Variants in TAFA1 observed in about 807,000 individuals in gnomAD.
TAFA1 encodes chemokine-like protein TAFA-1.
In TAFA1, 4 loss-of-function variants were observed where a neutral mutation model predicts 18.5. The ratio of observed to expected loss-of-function variants is 0.22; its 90% CI spans 0.11 to 0.49. The LOEUF is 0.49. Ranked by LOEUF, TAFA1 falls within the 20% of genes least tolerant of loss-of-function variation. TAFA1 has a pLI of 0.98. For synonymous variants in TAFA1, 56 were observed against 55.2 expected, an observed-to-expected ratio of 1.01 and a Z score of -0.06; for missense variants, 147 against 169.0, an observed-to-expected ratio of 0.87 and a Z score of 0.72.
intron 2 of TAFA1, among the ~76,000 whole-genome samples, chr3:68,302,050 T>A (rs1172128759): frequency 6.6e-6 from 1 of 152,200 alleles, no homozygotes; most frequent in East Asian, 1.9e-4. Context: ...TAGCTTTTGA[T>A]AAAATGATGA....
rs1208540616 is a variant in TAFA1, at chr3:68,091,909, T to C, written c.118+85165T>C. On this transcript the variant is annotated intron_variant, in intron 2 of 4. Transcript: ENST00000478136. ...TATCTCCTATAACAGTTTGAATGAC[T>C]GCTGGTTTCCTTAACAGTTTTCACC... Among the ~76,000 whole-genome samples, 3 of 152,186 alleles carry C rather than the reference T, an allele frequency of 2.0e-5. No homozygotes were observed. The East Asian group carries it at 5.8e-4, about 29-fold the overall frequency.
intron 3 of TAFA1, among the ~76,000 whole-genome samples, chr3:68,429,609 A>T (rs997756047): frequency 1.3e-5 from 2 of 151,926 alleles, no homozygotes; most frequent in African/African-American, 4.8e-5. Context: ...TTCCTTCAAC[A>T]TACACACCAT....
intron 3 of TAFA1, among the ~76,000 whole-genome samples, chr3:68,504,502 GC>G (rs1330892735): frequency 6.6e-6 from 1 of 152,150 alleles, no homozygotes. Flanking sequence ...TGCCACTGGA[GC>G]TTTAAATTGA....
intron 2 of TAFA1, among the ~76,000 whole-genome samples, chr3:68,344,976 G>A (rs2069141453): frequency 6.6e-6 from 1 of 150,608 alleles, no homozygotes; most frequent in Non-Finnish European, 1.5e-5. Flanking sequence ...GTTTATTTTA[G>A]TTCTTTACAG....
intron 2 of TAFA1, among the ~76,000 whole-genome samples, chr3:68,239,866 G>A (rs1320696833): frequency 7.2e-5 from 11 of 152,162 alleles, no homozygotes; most frequent in Admixed American, 7.2e-4. Context: ...AAGACAGATG[G>A]TTTTGCTGGA....
intron 2 of TAFA1, among the ~76,000 whole-genome samples, chr3:68,362,291 T>A (rs2069482485): frequency 6.6e-6 from 1 of 152,120 alleles, no homozygotes; most frequent in African/African-American, 2.4e-5. Flanking sequence ...CTATACTAAA[T>A]GCTGTGAGAG....
Position 68,296,290 on chromosome 3 carries a change from T to C in TAFA1, c.119-120990T>C, listed in dbSNP as rs763958677. ...AAAACATGTGACTTGTCTGTCCACA[T>C]GGTATCCTGTTGAATTTCAGTTTTA... On this transcript the variant is annotated intron_variant, in intron 2 of 4. Coordinates refer to ENST00000478136, the MANE Select transcript of TAFA1 (RefSeq NM_213609.4). Among the ~76,000 whole-genome samples, 5 of 152,196 alleles carry C rather than the reference T, an allele frequency of 3.3e-5. No individual in the cohort carries two copies. In the South Asian group the frequency reaches 1.0e-3, roughly 32 times the overall value.
intron 3 of TAFA1, among the ~76,000 whole-genome samples, chr3:68,495,888 G>A (rs2072537263): frequency 6.6e-6 from 1 of 151,108 alleles, no homozygotes; most frequent in Non-Finnish European, 1.5e-5. Flanking sequence ...AAAGTGATCT[G>A]TGCAGATAGT....
At chr3:68,271,128 C>G (rs571132086) in intron 2 of TAFA1, among the ~76,000 whole-genome samples, 31 of 152,130 alleles carry the variant, frequency 2.0e-4, no homozygotes, top group African/African-American at 7.0e-4. Flanking sequence ...TCTACCCCAC[C>G]CTGCCCCTTC....
chr3:68,038,930 A>G (rs987453998), intron 2 of TAFA1, among the ~76,000 whole-genome samples: 3 of 152,108 alleles, frequency 2.0e-5, no homozygotes, highest in African/African-American at 7.2e-5. Context: ...TCAGTAGCCT[A>G]TTTTTTCTAC....
intron 3 of TAFA1, among the ~76,000 whole-genome samples, chr3:68,432,988 C>T (rs1464233761): frequency 6.6e-6 from 1 of 151,930 alleles, no homozygotes; most frequent in Non-Finnish European, 1.5e-5. Context: ...CAAATAGCTC[C>T]CAAGTCTATG....
intron 2 of TAFA1, among the ~76,000 whole-genome samples, chr3:68,172,395 G>A (rs1319064517): frequency 6.6e-6 from 1 of 152,138 alleles, no homozygotes; most frequent in Non-Finnish European, 1.5e-5. Flanking sequence ...AGTGACAACT[G>A]TTGATAAGGA....
At chr3:68,382,911 A>C (rs146190227) in intron 2 of TAFA1, among the ~76,000 whole-genome samples, 19 of 152,040 alleles carry the variant, frequency 1.2e-4, no homozygotes, top group African/African-American at 4.3e-4. Flanking sequence ...CTTTCTGTAA[A>C]GATCTGTCAC....
At chr3:68,179,929 G>A (rs952672601) in intron 2 of TAFA1, among the ~76,000 whole-genome samples, 3 of 151,540 alleles carry the variant, frequency 2.0e-5, no homozygotes, top group Non-Finnish European at 4.4e-5. Context: ...TATTAATTAT[G>A]CTTAAACTCT....
chr3:68,461,881 T>C (rs376525015), intron 3 of TAFA1, among the ~76,000 whole-genome samples: 5 of 152,136 alleles, frequency 3.3e-5, no homozygotes, highest in African/African-American at 9.6e-5. Context: ...TTAAATACCT[T>C]TGGAGAAAAG....
intron 2 of TAFA1, among the ~76,000 whole-genome samples, chr3:68,185,906 AAAATAAATAAATAAAT>A (rs10580284): frequency 1.3e-5 from 2 of 149,910 alleles, no homozygotes; most frequent in South Asian, 4.3e-4. Flanking sequence ...TGTCTCAAAT[AAAATAAATAAATAAAT>A]AAATAAATAA....
intron 2 of TAFA1, among the ~76,000 whole-genome samples, chr3:68,226,992 A>G (rs1232621463): frequency 2.0e-5 from 3 of 152,192 alleles, no homozygotes; most frequent in Admixed American, 1.3e-4. Flanking sequence ...TGTGGGGCAC[A>G]TAAGAGAAGC....
At chr3:68,466,100 A>G (rs997923856) in intron 3 of TAFA1, among the ~76,000 whole-genome samples, 6 of 152,136 alleles carry the variant, frequency 3.9e-5, no homozygotes, top group Admixed American at 3.9e-4. Context: ...ACTTCTGGGC[A>G]CATGATAGGC....
intron 2 of TAFA1, among the ~76,000 whole-genome samples, chr3:68,104,165 C>T (rs1575618015): frequency 1.3e-5 from 2 of 151,946 alleles, no homozygotes; most frequent in Non-Finnish European, 2.9e-5. Context: ...CAGTCTGATT[C>T]TGGTCATTAA....
Sources: allele counts gnomAD v4.1 joint callset (sites outside exome capture counted in the v4.1 genomes callset), GRCh38; gene constraint gnomAD v4.1.1; transcripts MANE v1.5; gene names NCBI Gene and HGNC (gene_info 2026-07-23, HGNC 2026-07-21).